APBA2: variants seen among roughly 807,000 people sequenced by gnomAD.
The protein encoded by APBA2 is amyloid beta precursor protein binding family A member 2.
In APBA2, 30 loss-of-function variants were observed where a neutral mutation model predicts 75.0. That is an observed-to-expected ratio of 0.40 (90% CI 0.30 to 0.54). APBA2 has a LOEUF of 0.54. Ranked by LOEUF, APBA2 falls within the 20% of genes least tolerant of loss-of-function variation. The pLI is 0.49. For missense variants in APBA2, 801 were observed against 1,016.1 expected (o/e 0.79, Z 2.88); for synonymous variants, 444 against 409.6 (o/e 1.08, Z -1.01).
At position 29,033,474 on chromosome 15, in the gene APBA2, T is replaced by G. The variant is rs183228112; in HGVS notation, c.-40-20371T>G. ...GGCACAGTCTTCCACAAGACTGCCC[T>G]CACTTCTGACACCAGCCCCAAATTC... is the stretch of plus-strand genomic sequence containing the variant. On this transcript the variant is annotated intron_variant, in intron 3 of 14. Coordinates refer to ENST00000683413, the MANE Select transcript of APBA2 (RefSeq NM_001353788.2). Among the ~76,000 whole-genome samples, 294 of 152,248 alleles carry G rather than the reference T, an allele frequency of 1.9e-3. 2 individuals carry two copies. Among genetic ancestry groups the G allele is most frequent in the Middle Eastern group, 6.8e-3 (2 of 292 alleles).
At chr15:28,916,630 C>G (rs2033702342) in intron 1 of APBA2, among the ~76,000 whole-genome samples, 1 of 151,938 alleles carries the variant, frequency 6.6e-6, no homozygotes, top group Admixed American at 6.6e-5. Context: ...TGTGTATTCT[C>G]TAGCCATCTT....
intron 2 of APBA2, among the ~76,000 whole-genome samples, chr15:28,943,442 A>G (rs1434042428): frequency 1.3e-5 from 2 of 152,136 alleles, no homozygotes; most frequent in South Asian, 2.1e-4. Context: ...GCGACTTCCA[A>G]AGAGCATTGG....
chr15:28,943,358 G>A (rs887650435), intron 2 of APBA2, among the ~76,000 whole-genome samples: 1 of 152,190 alleles, frequency 6.6e-6, no homozygotes, highest in African/African-American at 2.4e-5. Context: ...GGGAGACCAA[G>A]AAGCATGGGA....
At chr15:28,890,098 T>C (rs1216847480) in intron 1 of APBA2, among the ~76,000 whole-genome samples, 1 of 152,146 alleles carries the variant, frequency 6.6e-6, no homozygotes, top group African/African-American at 2.4e-5. Flanking sequence ...TGTGCCTCCT[T>C]TTCCCGCGTC....
At chr15:28,893,457 C>T (rs1250642412) in intron 1 of APBA2, among the ~76,000 whole-genome samples, 1 of 152,308 alleles carries the variant, frequency 6.6e-6, no homozygotes, top group East Asian at 1.9e-4. Context: ...GGTCCCTGCA[C>T]TTCCCATCTG....
chr15:29,097,964 T>C (rs1025235983), intron 8 of APBA2, among the ~76,000 whole-genome samples: 1 of 152,190 alleles, frequency 6.6e-6, no homozygotes, highest in African/African-American at 2.4e-5. Flanking sequence ...GGGTCATCCA[T>C]GTGTTGGAAA....
chr15:29,008,876 A>G (rs1297051347), intron 3 of APBA2, among the ~76,000 whole-genome samples: 2 of 152,162 alleles, frequency 1.3e-5, no homozygotes, highest in Non-Finnish European at 2.9e-5. Context: ...TCTCTCTGAC[A>G]AAGGTAATTG....
chr15:29,106,710 G>C lies in APBA2; in HGVS notation c.1808G>C (p.Gly603Ala), dbSNP rs774326641. The C allele has an allele frequency of 2.2e-5, 35 of 1,612,906 alleles. No homozygotes were observed. The highest frequency in any genetic ancestry group is 2.8e-5 in the Non-Finnish European group (33 of 1,180,002). ...GTGATCCTGGCCAACATGATGAATGGCGGCCCGGCTGCCCGCTCGGGGAAG... is the reference window on the plus strand; with the variant it reads ...GTGATCCTGGCCAACATGATGAATGCCGGCCCGGCTGCCCGCTCGGGGAAG... ...PTVILANMMN[G>A]GPAARSGKLS... Residue 603 changes from glycine (G) to alanine (A), a missense_variant, in exon 12 of 15, where the codon GGC (glycine) becomes GCC (alanine). Physicochemically the swap from Gly to Ala is moderately conservative, Grantham distance 60 (BLOSUM62 0). Coordinates refer to ENST00000683413, the MANE Select transcript of APBA2 (RefSeq NM_001353788.2).
At chr15:29,089,888 G>A (rs1452272210) in intron 6 of APBA2, among the ~76,000 whole-genome samples, 1 of 152,216 alleles carries the variant, frequency 6.6e-6, no homozygotes, top group Non-Finnish European at 1.5e-5. Flanking sequence ...GGTGGTCTCA[G>A]CTTAGGGTCA....
chr15:29,053,203 C>T (rs554978106), intron 3 of APBA2, among the ~76,000 whole-genome samples: 21 of 152,162 alleles, frequency 1.4e-4, no homozygotes, highest in Non-Finnish European at 2.5e-4. Flanking sequence ...TCCCCATGGC[C>T]GAGCAGTGCT....
intron 3 of APBA2, among the ~76,000 whole-genome samples, chr15:29,037,943 C>T (rs1290029976): frequency 6.6e-6 from 1 of 152,188 alleles, no homozygotes; most frequent in Non-Finnish European, 1.5e-5. Context: ...ACCTCTTCAG[C>T]ATACTGTCTC....
At chr15:28,959,799 A>G (rs938878358) in intron 2 of APBA2, among the ~76,000 whole-genome samples, 1 of 152,196 alleles carries the variant, frequency 6.6e-6, no homozygotes, top group African/African-American at 2.4e-5. Flanking sequence ...GCCCTTGTGA[A>G]ACTGACACTC....
intron 3 of APBA2, among the ~76,000 whole-genome samples, chr15:29,007,261 A>G (rs747389942): frequency 2.0e-5 from 3 of 152,256 alleles, no homozygotes; most frequent in Non-Finnish European, 2.9e-5. Flanking sequence ...AGACCTGAAC[A>G]TAAGAGCTGA....
Position 29,050,907 on chromosome 15 carries a change from A to T in APBA2, c.-40-2938A>T, listed in dbSNP as rs2152882133. Among the ~76,000 whole-genome samples the T allele has an allele frequency of 1.3e-5, 2 of 152,316 alleles. 1 individual carries two copies. The highest frequency in any genetic ancestry group is 4.1e-4 in the South Asian group (2 of 4,828). On this transcript the variant is annotated intron_variant, in intron 3 of 14. Transcript: ENST00000683413. Reference sequence around the variant, plus strand: ...GAAACAGGGATGCTGTAGAGATGGCACCGCTATGCAAGGAATGGGAGCTGT... The same window carrying T: ...GAAACAGGGATGCTGTAGAGATGGCTCCGCTATGCAAGGAATGGGAGCTGT...
intron 1 of APBA2, among the ~76,000 whole-genome samples, chr15:28,909,541 A>G (rs536650037): frequency 1.3e-5 from 2 of 152,280 alleles, no homozygotes; most frequent in East Asian, 1.9e-4. Context: ...CACACAGTAG[A>G]AAGAATCCAA....
chr15:29,068,762 A>G (rs1486392082), intron 4 of APBA2, among the ~76,000 whole-genome samples: 1 of 151,984 alleles, frequency 6.6e-6, no homozygotes, highest in Non-Finnish European at 1.5e-5. Flanking sequence ...CTGGCGGATG[A>G]CCTCCGTAGA....
At chr15:29,082,522 G>A (rs1287790770) in intron 6 of APBA2, among the ~76,000 whole-genome samples, 1 of 152,116 alleles carries the variant, frequency 6.6e-6, no homozygotes, top group East Asian at 1.9e-4. Context: ...TCAGCCCCTG[G>A]CAATTGGGAA....
chr15:28,924,021 A>G (rs572000629), intron 2 of APBA2, among the ~76,000 whole-genome samples: 41 of 152,354 alleles, frequency 2.7e-4, no homozygotes, highest in East Asian at 1.9e-4. Context: ...TCTAAAAGCC[A>G]GCGGTCAACC....
chr15:28,998,562 A>G (rs924853754), intron 3 of APBA2, among the ~76,000 whole-genome samples: 1 of 152,162 alleles, frequency 6.6e-6, no homozygotes, highest in Non-Finnish European at 1.5e-5. Context: ...ACACAAAGCC[A>G]GAGCACTAAG....
Sources: gnomAD v4.1 joint callset for allele counts (sites outside exome capture counted in the v4.1 genomes callset) on GRCh38, gnomAD v4.1.1 for gene constraint, MANE v1.5 for transcripts, NCBI Gene and HGNC (gene_info 2026-07-23, HGNC 2026-07-21) for gene names.